TFPT: variants seen among roughly 807,000 people sequenced by gnomAD.
TFPT encodes the protein TCF3 fusion partner.
TFPT carries 27 observed loss-of-function variants against 28.8 expected under a neutral mutation model. The ratio of observed to expected loss-of-function variants is 0.94; its 90% CI spans 0.69 to 1.29. TFPT has a LOEUF of 1.29. Ranked by LOEUF, TFPT falls within the 50% of genes most tolerant of loss-of-function variation. The probability of loss-of-function intolerance (pLI) is 0.00; values close to 1 mark genes in which losing one functional copy is unlikely to be tolerated. For synonymous variants in TFPT, 152 were observed against 142.8 expected (o/e 1.06, Z -0.46); for missense variants, 330 against 338.0 (o/e 0.98, Z 0.19).
chr19:54,113,944 C>T (rs1375233734), intron 2 of TFPT, among the ~76,000 whole-genome samples: 2 of 152,232 alleles, frequency 1.3e-5, no homozygotes, highest in Admixed American at 1.3e-4. Flanking sequence ...CCGCCTGCCT[C>T]AGCCTCCCAG....
intron 5 of TFPT, chr19:54,107,686 A>G (rs1360187998): frequency 1.2e-4 from 37 of 306,196 alleles, no homozygotes; most frequent in Middle Eastern, 8.8e-4. Flanking sequence ...GTCTTCTCTG[A>G]TCCTTCCTTC....
At chr19:54,110,193 G>T in intron 2 of TFPT, 72 bp from the exon 3 acceptor site, 1 of 1,529,904 alleles carries the variant, frequency 6.5e-7, no homozygotes. Flanking sequence ...TGTTTAATGG[G>T]GCACGCACTA....
Position 54,115,349 on chromosome 19 carries a change from T to C in TFPT, c.-80A>G, listed in dbSNP as rs371568936. Reference sequence around the variant, plus strand: ...AGGTTAAGCCGTTCGCAAAACTACTTGTCCCATCAGGCTCAGCAGCCGAGG... The same window carrying C: ...AGGTTAAGCCGTTCGCAAAACTACTCGTCCCATCAGGCTCAGCAGCCGAGG... On this transcript the variant is annotated 5_prime_UTR_variant, in exon 1 of 6. Coordinates refer to ENST00000391759, the MANE Select transcript of TFPT (RefSeq NM_013342.4). 36 of 1,602,194 alleles carry C rather than the reference T, an allele frequency of 2.2e-5. No individual in the cohort carries two copies. In the East Asian group the frequency reaches 3.8e-4, roughly 17 times the overall value.
chr19:54,114,635 GGAGGCAACGC>G lies in TFPT; in HGVS notation c.79_88del (p.Ala27ProfsTer48). The G allele has an allele frequency of 6.2e-7, 1 of 1,614,054 alleles. No homozygotes were observed. Among genetic ancestry groups the G allele is most frequent in the South Asian group, 1.1e-5 (1 of 91,082 alleles). On this transcript the variant is annotated frameshift_variant, in exon 2 of 6. Coordinates refer to ENST00000391759, the MANE Select transcript of TFPT (RefSeq NM_013342.4). LOFTEE classifies it high-confidence loss of function. ...CTCCAGGATGTGGCCACCAAATAGG[GGAGGCAACGC>G]CAACTCTGAGCCTGGCGGCGCTGAG...
In TFPT at chr19:54,107,340, C is replaced by G. The variant is rs774417480; in HGVS notation, c.643-171G>C. The G allele has an allele frequency of 2.6e-5, 22 of 859,704 alleles. 1 individual carries two copies. The highest frequency in any genetic ancestry group is 3.7e-5 in the Non-Finnish European group (21 of 568,808). The allele number at this position is 859,704 out of a possible 1,614,324, so 53.3% of individuals were successfully genotyped here. ...CATAGTTCACTGCAGCCTCTGCCTC[C>G]CAGGCTCAAGTGATCCTCCCACCTC... is the stretch of plus-strand genomic sequence containing the variant. On this transcript the variant is annotated intron_variant, in intron 5 of 5. Coordinates refer to ENST00000391759, the MANE Select transcript of TFPT (RefSeq NM_013342.4).
At position 54,110,125 on chromosome 19, in the gene TFPT, T is replaced by C. The variant is rs2073411693; in HGVS notation, c.283-4A>G. 1.9e-6 allele frequency: 3 copies of C among 1,614,002 alleles called. No individual in the cohort carries two copies. In the South Asian group the frequency reaches 3.3e-5, roughly 18 times the overall value. On this transcript the variant is annotated splice_polypyrimidine_tract_variant and splice_region_variant and intron_variant, in intron 2 of 5. Transcript: ENST00000391759. ...TGTTCAGGACCCGCTCGTTCACCTA[T>C]GGGGTGGGAAACGCCCATCAGCTGG... is the stretch of plus-strand genomic sequence containing the variant.
chr19:54,110,712 A>G (rs80269846), intron 2 of TFPT, among the ~76,000 whole-genome samples: 22,093 of 151,530 alleles, frequency 0.15, 1,662 homozygotes, highest in Admixed American at 0.2. Flanking sequence ...AAAAAAAAAA[A>G]TTGCAACACA....
At chr19:54,114,258 G>A (rs1363159280) in intron 2 of TFPT, among the ~76,000 whole-genome samples, 184 bp downstream of exon 2, 1 of 152,206 alleles carries the variant, frequency 6.6e-6, no homozygotes, top group African/African-American at 2.4e-5. Flanking sequence ...CACGGGAGAT[G>A]GCCCTTCCAG....
chr19:54,110,109 C>A lies in TFPT; in HGVS notation c.295G>T (p.Val99Phe). The change falls in exon 3 of 6, where the codon GTC becomes TTC. Residue 99 changes from valine to phenylalanine, a missense_variant. Physicochemically the swap from Val to Phe is conservative, Grantham distance 50. Transcript: ENST00000391759. The part of the protein sequence containing the change: ...CREIEQVNER[V>F]LNRLHQVQRI... Reference sequence around the variant, plus strand: ...TGCACCTGATGGAGCCTGTTCAGGACCCGCTCGTTCACCTATGGGGTGGGA... The same window carrying A: ...TGCACCTGATGGAGCCTGTTCAGGAACCGCTCGTTCACCTATGGGGTGGGA... The A allele has an allele frequency of 6.2e-7, 1 of 1,614,142 alleles. No homozygotes were observed. The highest frequency in any genetic ancestry group is 1.1e-5 in the South Asian group (1 of 91,088).
At position 54,114,533 on chromosome 19, in the gene TFPT, T is replaced by G; in HGVS notation, c.191A>C (p.Glu64Ala). Residue 64 changes from glutamate (E) to alanine (A), a missense_variant, in exon 2 of 6, where the codon GAA (glutamate) becomes GCA (alanine). Transcript: ENST00000391759. Reference protein sequence around the residue: ...GSGLRERDEEEEAARGRRRRQ... With the variant: ...GSGLRERDEEAEAARGRRRRQ... ...CCGCCGCCGACCCCGGGCTGCCTCT[T>G]CCTCTTCATCTCGCTCCCGGAGCCC... The G allele has an allele frequency of 6.2e-7, 1 of 1,613,954 alleles. No individual in the cohort carries two copies. Among genetic ancestry groups the G allele is most frequent in the African/African-American group, 1.3e-5 (1 of 74,984 alleles).
chr19:54,113,890 A>G (rs1015880712), intron 2 of TFPT, among the ~76,000 whole-genome samples: 5 of 152,060 alleles, frequency 3.3e-5, no homozygotes, highest in African/African-American at 1.2e-4. Context: ...ATGGGGTTTC[A>G]CCATGTTGGC....
At chr19:54,107,248 T>G in intron 5 of TFPT, 79 bp from the exon 6 acceptor site, 1 of 1,564,306 alleles carries the variant, frequency 6.4e-7, no homozygotes, top group South Asian at 1.2e-5. Flanking sequence ...TTTGTTTTCA[T>G]TTTGTTTTGC....
At chr19:54,110,144 C>G in intron 2 of TFPT, 23 bp from the exon 3 acceptor site, 1 of 1,613,470 alleles carries the variant, frequency 6.2e-7, no homozygotes. Flanking sequence ...AAACGCCCAT[C>G]AGCTGGATCC....
chr19:54,108,275 G>A, intron 4 of TFPT, 31 bp from the exon 5 acceptor site: 1 of 1,575,100 alleles, frequency 6.3e-7, no homozygotes, highest in Non-Finnish European at 8.6e-7. Flanking sequence ...GTAGGTGATG[G>A]GTGGGTCCTG....
At chr19:54,107,489 T>G (rs1406160576) in intron 5 of TFPT, 1 of 344,758 alleles carries the variant, frequency 2.9e-6, no homozygotes, top group African/African-American at 2.1e-5. Context: ...CCTCAAGTGA[T>G]CCTCCCACCT....
At chr19:54,114,999 G>T in intron 1 of TFPT, 1 of 674,568 alleles carries the variant, frequency 1.5e-6, no homozygotes, top group Non-Finnish European at 2.5e-6. Flanking sequence ...GGGAGTCCAA[G>T]CCCCAACCCT....
rs1360427920 is a variant in TFPT, at chr19:54,108,367, C to T, written c.382G>A (p.Gly128Arg). 1.3e-5 allele frequency: 21 copies of T among 1,612,464 alleles called. No individual in the cohort carries two copies. In the East Asian group the frequency reaches 2.7e-4, roughly 21 times the overall value. ...RFLMRVLDSY[G>R]DDYRASQFTI... is the part of the protein sequence containing the mutation. ...AACTGGCTGGCCCGGTAGTCATCCC[C>T]GTAGGAGTCCAGCACTCTCATGAGG... The change falls in exon 4 of 6, where the codon GGG (glycine) becomes AGG (arginine). Residue 128 changes from glycine to arginine, a missense_variant. Coordinates refer to ENST00000391759, the MANE Select transcript of TFPT (RefSeq NM_013342.4).
At chr19:54,108,643 G>C (rs2073355297) in intron 3 of TFPT, 3 of 1,473,436 alleles carry the variant, frequency 2.0e-6, no homozygotes, top group Admixed American at 2.3e-5. Flanking sequence ...CCCTCGGCTG[G>C]ATGTTGCAGC....
chr19:54,115,634 C>T lies in TFPT; in HGVS notation c.-365G>A, dbSNP rs1320382513. 9 of 418,472 alleles carry T rather than the reference C, an allele frequency of 2.2e-5. No homozygotes were observed. Among genetic ancestry groups the T allele is most frequent in the African/African-American group, 6.0e-5 (3 of 50,346 alleles). The allele number at this position is 418,472 out of a possible 1,614,324, so 25.9% of individuals were successfully genotyped here. A position where few individuals can be genotyped will look rare whatever the true frequency, so the allele number is the denominator to read the frequency against. On this transcript the variant is annotated 5_prime_UTR_variant, in exon 1 of 6. Coordinates refer to ENST00000391759, the MANE Select transcript of TFPT (RefSeq NM_013342.4). ...TTCCTCCTCGCGGCTTACCGCCTCT[C>T]TCCGCCTAGTGCCAGGTGCTAATAA... is the stretch of plus-strand genomic sequence containing the variant.
Sources: allele counts gnomAD v4.1 joint callset (sites outside exome capture counted in the v4.1 genomes callset), GRCh38; gene constraint gnomAD v4.1.1; transcripts MANE v1.5; gene names NCBI Gene and HGNC (gene_info 2026-07-23, HGNC 2026-07-21).